USP54: variants seen among roughly 807,000 people sequenced by gnomAD.
USP54 encodes ubiquitin specific peptidase 54.
Under a neutral mutation model 170.5 loss-of-function variants are expected in USP54, and 87 were observed. That is an observed-to-expected ratio of 0.51 (90% CI 0.43 to 0.61). The LOEUF (loss-of-function observed/expected upper bound fraction) is 0.61. USP54 is among the 20% of genes least tolerant of loss of function. USP54 has a pLI of 0.00. For missense variants in USP54, 1,786 were observed against 2,047.8 expected (o/e 0.87, Z 2.47); for synonymous variants, 655 against 742.8 (o/e 0.88, Z 1.92).
At chr10:73,551,470 C>T (rs1371319854) in intron 4 of USP54, among the ~76,000 whole-genome samples, 1 of 152,122 alleles carries the variant, frequency 6.6e-6, no homozygotes, top group African/African-American at 2.4e-5. Flanking sequence ...GATCTAGGTC[C>T]ACAGTTAAAT....
chr10:73,529,771 G>C lies in USP54; in HGVS notation c.1969C>G (p.Arg657Gly), dbSNP rs914175818. The C allele has an allele frequency of 3.7e-6, 6 of 1,613,984 alleles. No individual in the cohort carries two copies. The highest frequency in any genetic ancestry group is 3.3e-5 in the Admixed American group (2 of 60,016). ...CTGCTTTCATAGCCAGATTCCATTC[G>C]CTGGATTAGTCGGGGGTGCTGCTCT... The part of the protein sequence containing the change: ...LLEQHPRLIQ[R>G]MESGYESSER... Residue 657 changes from arginine (R) to glycine (G), a missense_variant, in exon 15 of 24, where the codon CGA (arginine) becomes GGA (glycine). Transcript: ENST00000687698.
intron 2 of USP54, 34 bp downstream of exon 2, chr10:73,575,764 G>C (rs1230734291): frequency 2.0e-5 from 28 of 1,375,240 alleles, no homozygotes; most frequent in Admixed American, 7.2e-5. Flanking sequence ...CCAGAATTTA[G>C]TGAATTTATT....
chr10:73,529,376 T>C (rs1032480823), intron 15 of USP54: 3 of 384,690 alleles, frequency 7.8e-6, no homozygotes, highest in Non-Finnish European at 1.5e-5. Flanking sequence ...AACAAAATAA[T>C]CTGTACAATG....
Position 73,510,166 on chromosome 10 carries a change from C to G in USP54, c.4052-4740G>C, listed in dbSNP as rs370170897. On this transcript the variant is annotated intron_variant, in intron 20 of 23. Transcript: ENST00000687698. Reference sequence around the variant, plus strand: ...CCTGGATAATATGGTGAAACCCCGTCTCTACTAAAAATACAAAAATTAGCC... The same window carrying G: ...CCTGGATAATATGGTGAAACCCCGTGTCTACTAAAAATACAAAAATTAGCC... Among the ~76,000 whole-genome samples, 360 of 151,956 alleles carry G rather than the reference C, an allele frequency of 2.4e-3. 3 individuals are homozygous for G. In the South Asian group the frequency reaches 0.026, roughly 11 times the overall value.
At chr10:73,509,770 G>GC (rs1472491137) in intron 20 of USP54, among the ~76,000 whole-genome samples, 2 of 152,108 alleles carry the variant, frequency 1.3e-5, no homozygotes, top group African/African-American at 4.8e-5. Flanking sequence ...CACTTTGGGT[G>GC]GTTGAGGCGG....
At chr10:73,603,321 A>C (rs1564953076) in intron 1 of USP54, among the ~76,000 whole-genome samples, 1 of 152,206 alleles carries the variant, frequency 6.6e-6, no homozygotes, top group Non-Finnish European at 1.5e-5. Flanking sequence ...TTTTTAAAAA[A>C]CAGAACTGTG....
chr10:73,556,059 A>G (rs1276969142), intron 4 of USP54, among the ~76,000 whole-genome samples: 5 of 152,222 alleles, frequency 3.3e-5, no homozygotes, highest in Non-Finnish European at 7.3e-5. Context: ...ATATGCTCAT[A>G]TTCATACATA....
intron 1 of USP54, among the ~76,000 whole-genome samples, chr10:73,616,335 CA>C (rs60197778): frequency 0.013 from 324 of 25,768 alleles, no homozygotes; most frequent in Middle Eastern, 0.025. Context: ...GACTCCATCT[CA>C]AAAAAAAAAA....
intron 20 of USP54, chr10:73,515,976 G>A (rs1475411634): frequency 6.3e-6 from 1 of 158,412 alleles, no homozygotes; most frequent in Admixed American, 6.1e-5. Flanking sequence ...TAGAGAAGGG[G>A]TTTCACTATG....
At chr10:73,578,369 T>C (rs1346071292) in intron 1 of USP54, among the ~76,000 whole-genome samples, 1 of 152,190 alleles carries the variant, frequency 6.6e-6, no homozygotes, top group Non-Finnish European at 1.5e-5. Flanking sequence ...GTTTTATCTG[T>C]ATGGCTCTCA....
chr10:73,504,785 T>G, intron 22 of USP54, 65 bp downstream of exon 22: 1 of 1,606,898 alleles, frequency 6.2e-7, no homozygotes, highest in Non-Finnish European at 8.5e-7. Context: ...CTTCTTCACC[T>G]GCACTGTATT....
intron 22 of USP54, among the ~76,000 whole-genome samples, chr10:73,501,146 T>C (rs1589764136): frequency 6.6e-6 from 1 of 152,140 alleles, no homozygotes; most frequent in Non-Finnish European, 1.5e-5. Context: ...GAGATTGAGA[T>C]AGAAATTTAA....
At chr10:73,599,571 G>A (rs907315089) in intron 1 of USP54, among the ~76,000 whole-genome samples, 3 of 152,068 alleles carry the variant, frequency 2.0e-5, no homozygotes, top group African/African-American at 7.2e-5. Flanking sequence ...GAGATCATCA[G>A]CCAGTTAATT....
intron 1 of USP54, among the ~76,000 whole-genome samples, chr10:73,587,432 G>A (rs987186590): frequency 2.6e-5 from 4 of 151,846 alleles, no homozygotes; most frequent in East Asian, 1.9e-4. Flanking sequence ...CCGAGACTGC[G>A]CCACTGCACT....
At chr10:73,527,783 T>C (rs2133375155) in intron 15 of USP54, among the ~76,000 whole-genome samples, 1 of 142,934 alleles carries the variant, frequency 7.0e-6, no homozygotes, top group East Asian at 2.0e-4. Context: ...GTAAATCACT[T>C]GAGCCCAGGA....
In USP54 at chr10:73,572,672, T is replaced by A. The variant is rs556858794; in HGVS notation, c.148-1159A>T. Among the ~76,000 whole-genome samples the A allele has an allele frequency of 5.3e-5, 8 of 152,286 alleles. No individual in the cohort carries two copies. In the South Asian group the frequency reaches 1.7e-3, roughly 32 times the overall value. ...TGAAACCAAAAGTTAGAATATTAGC[T>A]CATAACAACAATTATTTTCAACATG... On this transcript the variant is annotated intron_variant, in intron 3 of 23. Transcript: ENST00000687698.
chr10:73,519,637 A>G lies in USP54; in HGVS notation c.2678+160T>C, dbSNP rs1232775617. The G allele has an allele frequency of 1.0e-5, 11 of 1,089,036 alleles. No individual in the cohort carries two copies. In the East Asian group the frequency reaches 1.8e-4, roughly 18 times the overall value. The allele number at this position is 1,089,036 out of a possible 1,614,324, so 67.5% of individuals were successfully genotyped here. ...TATTAAGATAAGGACCAGCAGTACA[A>G]TGAGCTTTTCACTGTATGTCTGACC... On this transcript the variant is annotated intron_variant, in intron 19 of 23. Coordinates refer to ENST00000687698, the MANE Select transcript of USP54 (RefSeq NM_001391956.1).
chr10:73,600,839 G>A (rs528392122), intron 1 of USP54, among the ~76,000 whole-genome samples: 5 of 152,126 alleles, frequency 3.3e-5, no homozygotes, highest in African/African-American at 7.2e-5. Context: ...GCTTGAACCC[G>A]GGGGGCGGAG....
chr10:73,525,630 A>T (rs1368425860), intron 16 of USP54, among the ~76,000 whole-genome samples: 1 of 152,242 alleles, frequency 6.6e-6, no homozygotes, highest in Non-Finnish European at 1.5e-5. Context: ...ACATGAAATA[A>T]ATTAAAATGT....
Sources: allele counts gnomAD v4.1 joint callset (sites outside exome capture counted in the v4.1 genomes callset), GRCh38; gene constraint gnomAD v4.1.1; transcripts MANE v1.5; gene names NCBI Gene and HGNC (gene_info 2026-07-23, HGNC 2026-07-21).